Variants in PIEZO2 observed in about 807,000 individuals in gnomAD.
PIEZO2 encodes piezo-type mechanosensitive ion channel component 2.
Under a neutral mutation model 337.3 loss-of-function variants are expected in PIEZO2, and 172 were observed. That is an observed-to-expected ratio of 0.51 (90% CI 0.45 to 0.58). The LOEUF is 0.58. PIEZO2 is among the 20% of genes least tolerant of loss of function. The pLI is 0.00. For synonymous variants in PIEZO2, 1,251 were observed against 1,228.5 expected (o/e 1.02, Z -0.38); for missense variants, 3,028 against 3,391.3 (o/e 0.89, Z 2.66).
rs1448437821 is a variant in PIEZO2, at chr18:10,894,590, G to A, written c.329+16596C>T. ...GCGCATGCTCTCTTCCCAAGTGCGG[G>A]CAGGCAGCTGTGCATGTGGGCAGCC... On this transcript the variant is annotated intron_variant, in intron 4 of 55. Coordinates refer to ENST00000674853, the MANE Select transcript of PIEZO2 (RefSeq NM_001378183.1). The surrounding 1 kb of genome is among the most constrained non-coding windows in gnomAD (Gnocchi z 4.1). 2.0e-5 allele frequency: 3 copies of A among 152,260 alleles called. No individual in the cohort carries two copies. Among genetic ancestry groups the A allele is most frequent in the African/African-American group, 7.2e-5 (3 of 41,462 alleles). The allele number at this position is 152,260 out of a possible 1,614,324, so 9.4% of individuals were successfully genotyped here. A position where few individuals can be genotyped will look rare whatever the true frequency, so the allele number is the denominator to read the frequency against.
chr18:10,960,556 CTTT>C (rs5823126), intron 3 of PIEZO2, among the ~76,000 whole-genome samples: 4 of 146,058 alleles, frequency 2.7e-5, no homozygotes, highest in African/African-American at 5.0e-5. Flanking sequence ...GCCACAAAGA[CTTT>C]TTTTTTTTTT....
chr18:10,758,063 G>A lies in PIEZO2; in HGVS notation c.3829C>T (p.Arg1277Ter), dbSNP rs762874609. ...TCGACATTGTCACCTGCCATGATTC[G>A]CACTGCAGCCTTGTTCTCATCCTCA... ...IFEDENKAAV[R>*]IMAGDNVEIC... The change falls in exon 27 of 56, where the codon CGA (arginine) becomes TGA (stop). Residue 1277 changes from arginine to a stop codon, truncating the protein, a stop_gained. Coordinates refer to ENST00000674853, the MANE Select transcript of PIEZO2 (RefSeq NM_001378183.1). LOFTEE classifies it high-confidence loss of function. 3.9e-6 allele frequency: 6 copies of A among 1,537,404 alleles called. No homozygotes were observed. Among genetic ancestry groups the A allele is most frequent in the East Asian group, 2.4e-5 (1 of 40,914 alleles).
chr18:11,134,180 G>A (rs1175113230), intron 1 of PIEZO2, among the ~76,000 whole-genome samples: 1 of 152,210 alleles, frequency 6.6e-6, no homozygotes, highest in Admixed American at 6.5e-5. Flanking sequence ...TGGCCGTCCA[G>A]TCATGAGGCG....
In PIEZO2 at chr18:10,736,822, C is replaced by G. The variant is rs73389006; in HGVS notation, c.4709-112G>C. 4.7e-3 allele frequency: 5,675 copies of G among 1,206,570 alleles called. 112 individuals are homozygous for G. Among genetic ancestry groups the G allele is most frequent in the African/African-American group, 0.043 (2,775 of 64,246 alleles). The allele number at this position is 1,206,570 out of a possible 1,614,324, so 74.7% of individuals were successfully genotyped here. A position where few individuals can be genotyped will look rare whatever the true frequency, so the allele number is the denominator to read the frequency against. On this transcript the variant is annotated intron_variant, in intron 33 of 55. Coordinates refer to ENST00000674853, the MANE Select transcript of PIEZO2 (RefSeq NM_001378183.1). Reference sequence around the variant, plus strand: ...CAAATTGTCCATAAGAGAACCACAACGAAAGATGTTGGCAGAGAGGAAAAC... The same window carrying G: ...CAAATTGTCCATAAGAGAACCACAAGGAAAGATGTTGGCAGAGAGGAAAAC...
chr18:10,693,168 T>C (rs796687573), intron 47 of PIEZO2, among the ~76,000 whole-genome samples: 2 of 152,324 alleles, frequency 1.3e-5, no homozygotes, highest in African/African-American at 4.8e-5. Flanking sequence ...TTCTTAAAAA[T>C]TCAAATTATT....
rs575550215 is a variant in PIEZO2, at chr18:10,905,906, T to C, written c.329+5280A>G. 2.4e-3 allele frequency among the ~76,000 whole-genome samples: 364 copies of C among 152,284 alleles called. 2 individuals are homozygous for C. The highest frequency in any genetic ancestry group is 7.1e-3 in the African/African-American group (296 of 41,564). ...CAGGGTATTAAGAGAGTCTCCTCCT[T>C]ACATGTTCAAGAATGTGAAAAGAAT... On this transcript the variant is annotated intron_variant, in intron 4 of 55. Coordinates refer to ENST00000674853, the MANE Select transcript of PIEZO2 (RefSeq NM_001378183.1).
At chr18:10,691,850 G>A (rs8092617) in intron 47 of PIEZO2, among the ~76,000 whole-genome samples, 8,331 of 141,822 alleles carry the variant, frequency 0.059, 366 homozygotes, top group African/African-American at 0.098. Flanking sequence ...AAAGAATTCT[G>A]ATAGGTGGAC....
In PIEZO2 at chr18:10,724,683, G is replaced by C; in HGVS notation, c.5030-6424C>G. 1 of 1,045,486 alleles carries C rather than the reference G, an allele frequency of 9.6e-7. No homozygotes were observed. Among genetic ancestry groups the C allele is most frequent in the Non-Finnish European group, 1.4e-6 (1 of 705,890 alleles). 64.8% of individuals were successfully genotyped at this position (1,045,486 alleles called of 1,614,324 possible). ...CCACCAGCCCACCTACCAGTCTGCTGTCCCTGCGTCATAGGCTGAAGCACT... is the reference window on the plus strand; with the variant it reads ...CCACCAGCCCACCTACCAGTCTGCTCTCCCTGCGTCATAGGCTGAAGCACT... On this transcript the variant is annotated intron_variant, in intron 36 of 55. Transcript: ENST00000674853. This position sits in a 1 kb window ranked among gnomAD's most constrained non-coding sequence, Gnocchi z 5.8.
chr18:10,898,986 G>A (rs890227839), intron 4 of PIEZO2, among the ~76,000 whole-genome samples: 4 of 152,190 alleles, frequency 2.6e-5, no homozygotes, highest in Admixed American at 1.3e-4. Context: ...ATCAACTGAC[G>A]CCAAGAAAGG....
intron 2 of PIEZO2, among the ~76,000 whole-genome samples, chr18:11,019,045 C>A (rs1480521876): frequency 6.6e-6 from 1 of 152,158 alleles, no homozygotes; most frequent in Non-Finnish European, 1.5e-5. Flanking sequence ...ATCCAAGCCA[C>A]CAGCAAACCC....
intron 21 of PIEZO2, among the ~76,000 whole-genome samples, chr18:10,764,914 T>C (rs1459030475): frequency 1.3e-5 from 2 of 152,246 alleles, no homozygotes; most frequent in African/African-American, 4.8e-5. Context: ...TCTCGTCAAT[T>C]TGGATATTAA....
chr18:10,704,497 G>C lies in PIEZO2; in HGVS notation c.6155C>G (p.Ser2052Cys). 4.6e-6 allele frequency: 7 copies of C among 1,537,256 alleles called. No individual in the cohort carries two copies. The highest frequency in any genetic ancestry group is 6.1e-6 in the Non-Finnish European group (7 of 1,146,918). The change falls in exon 42 of 56, where the codon TCC (serine) becomes TGC (cysteine). Residue 2052 changes from serine to cysteine, a missense_variant. By Grantham distance (112) the Ser-to-Cys change is moderately radical. Around this residue, in one of 5 missense-constraint regions of PIEZO2, gnomAD observed 1,925 missense variants for 2,051.9 expected, o/e 0.94. Coordinates refer to ENST00000674853, the MANE Select transcript of PIEZO2 (RefSeq NM_001378183.1). ...GATGGGAAGCAGGAGCGTGATCATGGAGGCAGAGACCATGTGGTTGAGGAT... is the reference window on the plus strand; with the variant it reads ...GATGGGAAGCAGGAGCGTGATCATGCAGGCAGAGACCATGTGGTTGAGGAT... ...VIILNHMVSA[S>C]MITLLLPILI...
intron 7 of PIEZO2, among the ~76,000 whole-genome samples, chr18:10,808,405 A>T (rs1457162101): frequency 6.6e-6 from 1 of 151,920 alleles, no homozygotes; most frequent in African/African-American, 2.4e-5. Flanking sequence ...TTGCACTTTT[A>T]TATGTGAATT....
At position 10,833,944 on chromosome 18, in the gene PIEZO2, T is replaced by C. The variant is rs1034473019; in HGVS notation, c.917+21409A>G. 2.0e-5 allele frequency among the ~76,000 whole-genome samples: 3 copies of C among 152,244 alleles called. No homozygotes were observed. The highest frequency in any genetic ancestry group is 2.9e-5 in the Non-Finnish European group (2 of 68,048). ...CAGACCTCAAAACTTTTCCATGCAG[T>C]AGAAGAGCAGAATAGGAGAGTGATT... On this transcript the variant is annotated intron_variant, in intron 7 of 55. Coordinates refer to ENST00000674853, the MANE Select transcript of PIEZO2 (RefSeq NM_001378183.1). The surrounding 1 kb of genome is among the most constrained non-coding windows in gnomAD (Gnocchi z 4.7).
At position 10,718,072 on chromosome 18, in the gene PIEZO2, ATTAT is replaced by A. The variant is rs1218124618; in HGVS notation, c.5089+124_5089+127del. ...GGAGATGAGATTCCAAGGGATACTG[ATTAT>A]TTACTCATAGTCCAGAAAACAGTGT... is the stretch of plus-strand genomic sequence containing the variant. On this transcript the variant is annotated intron_variant, in intron 37 of 55. Transcript: ENST00000674853. The A allele has an allele frequency of 1.6e-5, 13 of 812,860 alleles. No individual in the cohort carries two copies. In the African/African-American group the frequency reaches 2.1e-4, roughly 13 times the overall value. 50.4% of individuals were successfully genotyped at this position (812,860 alleles called of 1,614,324 possible). A position where few individuals can be genotyped will look rare whatever the true frequency, so the allele number is the denominator to read the frequency against.
At chr18:10,927,261 C>T (rs890680016) in intron 3 of PIEZO2, among the ~76,000 whole-genome samples, 1 of 152,090 alleles carries the variant, frequency 6.6e-6, no homozygotes, top group African/African-American at 2.4e-5. Context: ...TTAAAGGTGA[C>T]CCCTTTGGAA....
intron 3 of PIEZO2, among the ~76,000 whole-genome samples, chr18:10,972,465 G>C (rs2034280575): frequency 6.6e-6 from 1 of 152,122 alleles, no homozygotes; most frequent in Non-Finnish European, 1.5e-5. Context: ...CTGTGGGGCA[G>C]GTGGAGTGAG....
At chr18:10,970,886 A>C (rs2034210206) in intron 3 of PIEZO2, among the ~76,000 whole-genome samples, 1 of 152,210 alleles carries the variant, frequency 6.6e-6, no homozygotes, top group Non-Finnish European at 1.5e-5. Flanking sequence ...CAAAGATGGG[A>C]GCATATCTGC....
intron 4 of PIEZO2, among the ~76,000 whole-genome samples, chr18:10,893,966 C>T (rs2042825389): frequency 6.6e-6 from 1 of 152,158 alleles, no homozygotes; most frequent in Non-Finnish European, 1.5e-5. Flanking sequence ...CCCCACCCGC[C>T]ACCAGGAAAG....
Sources: allele counts gnomAD v4.1 joint callset (sites outside exome capture counted in the v4.1 genomes callset), GRCh38; gene constraint gnomAD v4.1.1; regional missense constraint gnomAD v4.1.1; non-coding constraint Gnocchi (gnomAD v3.1); transcripts MANE v1.5; gene names NCBI Gene and HGNC (gene_info 2026-07-23, HGNC 2026-07-21).